ZC3H14: variants seen among roughly 807,000 people sequenced by gnomAD.
ZC3H14 encodes zinc finger CCCH domain-containing protein 14.
In ZC3H14, 31 loss-of-function variants were observed where a neutral mutation model predicts 92.4. The observed-to-expected ratio is 0.34, with a 90% CI of 0.25 to 0.45. ZC3H14 has a LOEUF of 0.45. ZC3H14 is among the 20% of genes least tolerant of loss of function. The probability of loss-of-function intolerance (pLI) is 1.00; values close to 1 mark genes in which losing one functional copy is unlikely to be tolerated. For missense variants in ZC3H14, 781 were observed against 897.3 expected (o/e 0.87, Z 1.66); for synonymous variants, 321 against 300.9 (o/e 1.07, Z -0.69).
chr14:88,626,827 AAG>A lies in ZC3H14; in HGVS notation c.*15080_*15081del. On this transcript the variant is annotated 3_prime_UTR_variant, in exon 17 of 17. Coordinates refer to ENST00000251038, the MANE Select transcript of ZC3H14 (RefSeq NM_024824.5). ...GTCAAAGTCACACTATGTGCATTTT[AAG>A]AGACATACTGCACCAAATGCAATAG... is the stretch of plus-strand genomic sequence containing the variant. 6.2e-7 allele frequency: 1 copy of A among 1,613,272 alleles called. No individual in the cohort carries two copies. The highest frequency in any genetic ancestry group is 1.1e-5 in the South Asian group (1 of 91,034).
At chr14:88,604,631 T>C (rs1213487483) in intron 12 of ZC3H14, among the ~76,000 whole-genome samples, 1 of 151,178 alleles carries the variant, frequency 6.6e-6, no homozygotes, top group African/African-American at 2.4e-5. Flanking sequence ...AGTCTCTCTG[T>C]CCCCCAGGCT....
At position 88,621,582 on chromosome 14, in the gene ZC3H14, G is replaced by C; in HGVS notation, c.*9831G>C. ...TCTTCAATAATCAAAGTTTTTATTT[G>C]ATAATCTTAGGATTTCCAAACTGGG... On this transcript the variant is annotated 3_prime_UTR_variant, in exon 17 of 17. Transcript: ENST00000251038. The C allele has an allele frequency of 2.3e-6, 1 of 444,096 alleles. No homozygotes were observed. Among genetic ancestry groups the C allele is most frequent in the Non-Finnish European group, 4.0e-6 (1 of 249,120 alleles). 27.5% of individuals were successfully genotyped at this position (444,096 alleles called of 1,614,324 possible).
chr14:88,622,449 G>A lies in ZC3H14; in HGVS notation c.*10698G>A. ...ATGCACCACACTGGTGCTAACTTTG[G>A]CAAAGAAAGCAGCAAAGACAGAGTA... On this transcript the variant is annotated 3_prime_UTR_variant, in exon 17 of 17. Transcript: ENST00000251038. 1.9e-6 allele frequency: 1 copy of A among 535,380 alleles called. No homozygotes were observed. Among genetic ancestry groups the A allele is most frequent in the Non-Finnish European group, 3.0e-6 (1 of 329,496 alleles). 33.2% of individuals were successfully genotyped at this position (535,380 alleles called of 1,614,324 possible).
chr14:88,615,918 T>TTA lies in ZC3H14; in HGVS notation c.*4167_*4168insTA. On this transcript the variant is annotated 3_prime_UTR_variant, in exon 17 of 17. Coordinates refer to ENST00000251038, the MANE Select transcript of ZC3H14 (RefSeq NM_024824.5). ...TTTTTAGATTTTCATAACAGTTTAA[T>TTA]ATTTTTCAGTTGTGCTTTCAGGTTA... is the stretch of plus-strand genomic sequence containing the variant. 1.3e-6 allele frequency: 2 copies of TTA among 1,542,726 alleles called. No homozygotes were observed. Among genetic ancestry groups the TTA allele is most frequent in the East Asian group, 2.3e-5 (1 of 43,194 alleles).
Position 88,622,534 on chromosome 14 carries a change from G to A in ZC3H14, c.*10783G>A, listed in dbSNP as rs1254603934. 18 of 1,226,362 alleles carry A rather than the reference G, an allele frequency of 1.5e-5. No individual in the cohort carries two copies. The highest frequency in any genetic ancestry group is 1.0e-4 in the East Asian group (4 of 38,978). The allele number at this position is 1,226,362 out of a possible 1,614,324, so 76.0% of individuals were successfully genotyped here. On this transcript the variant is annotated 3_prime_UTR_variant, in exon 17 of 17. Coordinates refer to ENST00000251038, the MANE Select transcript of ZC3H14 (RefSeq NM_024824.5). ...AAGTATTGTTCATTAGGCTGCAAAG[G>A]GTGAGGGAATCACAGTAATAACCAC... is the stretch of plus-strand genomic sequence containing the variant.
Position 88,602,940 on chromosome 14 carries a change from G to A in ZC3H14, c.1627G>A (p.Gly543Arg), listed in dbSNP as rs1218277909. 1 of 1,614,008 alleles carries A rather than the reference G, an allele frequency of 6.2e-7. No individual in the cohort carries two copies. The highest frequency in any genetic ancestry group is 1.3e-5 in the African/African-American group (1 of 74,898). Residue 543 changes from glycine (G) to arginine (R), a missense_variant, in exon 12 of 17, where the codon GGA becomes AGA. Around this residue, in one of 3 missense-constraint regions of ZC3H14, gnomAD observed 221 missense variants for 304.7 expected, o/e 0.73. Transcript: ENST00000251038. ...TCAAGAGGAGGACATGTGCTTTGAA[G>A]GAATGAAACCCGTAAACCAAACTGC... ...SDQEEDMCFE[G>R]MKPVNQTAAS...
rs745500638 is a variant in ZC3H14, at chr14:88,610,825, T to C, written c.2098-9T>C. The C allele has an allele frequency of 5.6e-6, 9 of 1,611,354 alleles. No homozygotes were observed. The Admixed American group carries it at 1.5e-4, about 27-fold the overall frequency. The stretch of plus-strand genomic sequence containing the variant: ...TGGATATTGTTGAAGCTCTGTTATC[T>C]CTATTCAGCATTGTAGGTTTAACAC... On this transcript the variant is annotated splice_polypyrimidine_tract_variant and intron_variant, in intron 15 of 16. Coordinates refer to ENST00000251038, the MANE Select transcript of ZC3H14 (RefSeq NM_024824.5).
chr14:88,570,995 T>C (rs965924434), intron 3 of ZC3H14, 89 bp from the exon 4 acceptor site: 2 of 1,047,712 alleles, frequency 1.9e-6, no homozygotes, highest in South Asian at 2.4e-5. Context: ...AAATTATCTC[T>C]GAATATAATG....
chr14:88,596,708 G>A (rs1223913643), intron 9 of ZC3H14, 26 bp from the exon 10 acceptor site: 2 of 1,602,240 alleles, frequency 1.2e-6, no homozygotes, highest in South Asian at 2.2e-5. Flanking sequence ...TGTAAGCTTA[G>A]TGAAGTTTTA....
Position 88,620,934 on chromosome 14 carries a change from T to TTA in ZC3H14, c.*9183_*9184insTA. The stretch of plus-strand genomic sequence containing the variant: ...CACTTTGTTTAACATCTTCTGCATT[T>TTA]AAAAAAAAAAAAAAAAAGAGTCATA... On this transcript the variant is annotated 3_prime_UTR_variant, in exon 17 of 17. Transcript: ENST00000251038. This position sits in a 1 kb window ranked among gnomAD's most constrained non-coding sequence, Gnocchi z 4.3. The TTA allele has an allele frequency of 7.3e-7, 1 of 1,372,042 alleles. No individual in the cohort carries two copies. Among genetic ancestry groups the TTA allele is most frequent in the South Asian group, 1.6e-5 (1 of 62,280 alleles). 85.0% of individuals were successfully genotyped at this position (1,372,042 alleles called of 1,614,324 possible). A position where few individuals can be genotyped will look rare whatever the true frequency, so the allele number is the denominator to read the frequency against.
In ZC3H14 at chr14:88,568,094, C is replaced by T. The variant is rs760426315; in HGVS notation, c.135C>T (p.Asp45=). The T allele has an allele frequency of 1.2e-6, 2 of 1,614,154 alleles. No individual in the cohort carries two copies. The highest frequency in any genetic ancestry group is 1.7e-6 in the Non-Finnish European group (2 of 1,180,014). The change falls in exon 3 of 17, where the codon GAC becomes GAT. Residue 45 remains aspartate, a synonymous_variant. Coordinates refer to ENST00000251038, the MANE Select transcript of ZC3H14 (RefSeq NM_024824.5). ...MVMVANKKSQ[D]QMTEDLSLFL... ...TGGTGGCCAACAAGAAAAGTCAGGACCAAATGACAGAGGATCTGTCCCTGT... is the reference window on the plus strand; with the variant it reads ...TGGTGGCCAACAAGAAAAGTCAGGATCAAATGACAGAGGATCTGTCCCTGT...
intron 5 of ZC3H14, 45 bp from the exon 6 acceptor site, chr14:88,572,533 T>C: frequency 1.9e-6 from 3 of 1,605,980 alleles, no homozygotes; most frequent in Non-Finnish European, 8.5e-7. Flanking sequence ...TTGGTGATAA[T>C]TGCCCTAATT....
Position 88,563,681 on chromosome 14 carries a change from G to A in ZC3H14, c.67G>A (p.Gly23Arg). The change falls in exon 2 of 17, where the codon GGA (glycine) becomes AGA (arginine). Residue 23 changes from glycine (G) to arginine (R), a missense_variant. Gly to Arg is a moderately radical substitution (Grantham distance 125, BLOSUM62 -2). Around this residue, in one of 3 missense-constraint regions of ZC3H14, gnomAD observed 106 missense variants for 154.2 expected, o/e 0.69. Coordinates refer to ENST00000251038, the MANE Select transcript of ZC3H14 (RefSeq NM_024824.5). Reference protein sequence around the residue: ...SAIKGKLQELGAYVDEELPDY... With the variant: ...SAIKGKLQELRAYVDEELPDY... ...CATTAAGGGGAAATTACAAGAATTA[G>A]GAGCTTATGTTGGTAAGTGTTTTTT... is the stretch of plus-strand genomic sequence containing the variant. 1 of 1,614,178 alleles carries A rather than the reference G, an allele frequency of 6.2e-7. No individual in the cohort carries two copies. Among genetic ancestry groups the A allele is most frequent in the Non-Finnish European group, 8.5e-7 (1 of 1,179,990 alleles).
At chr14:88,593,462 T>C (rs972878117) in intron 9 of ZC3H14, among the ~76,000 whole-genome samples, 1 of 152,220 alleles carries the variant, frequency 6.6e-6, no homozygotes, top group African/African-American at 2.4e-5. Flanking sequence ...GTTATGTTGC[T>C]TGATTTCAAA....
intron 8 of ZC3H14, 36 bp downstream of exon 8, chr14:88,575,976 C>A: frequency 1.3e-6 from 2 of 1,518,546 alleles, no homozygotes; most frequent in Non-Finnish European, 1.8e-6. Flanking sequence ...CTTGGTAAGA[C>A]ATTTCTGTAA....
intron 8 of ZC3H14, 23 bp downstream of exon 8, chr14:88,575,963 A>G: frequency 1.9e-6 from 3 of 1,553,822 alleles, no homozygotes; most frequent in East Asian, 2.2e-5. Context: ...TATTATGTTT[A>G]CACTTGGTAA....
intron 12 of ZC3H14, among the ~76,000 whole-genome samples, chr14:88,604,360 G>A (rs1241172295): frequency 6.6e-6 from 1 of 152,124 alleles, no homozygotes; most frequent in African/African-American, 2.4e-5. Flanking sequence ...GCTCAAGGAT[G>A]AAGCTTTGTA....
intron 12 of ZC3H14, among the ~76,000 whole-genome samples, chr14:88,606,418 A>G (rs1308994940): frequency 6.6e-6 from 1 of 152,200 alleles, no homozygotes; most frequent in Non-Finnish European, 1.5e-5. Context: ...GGAACTGCCC[A>G]GTCTCTGTAA....
At chr14:88,598,576 A>G (rs542412904) in intron 10 of ZC3H14, among the ~76,000 whole-genome samples, 3 of 152,196 alleles carry the variant, frequency 2.0e-5, no homozygotes, top group Non-Finnish European at 4.4e-5. Flanking sequence ...CCAAGGGAGA[A>G]TGCATGCAGT....
Sources: gnomAD v4.1 joint callset for allele counts (sites outside exome capture counted in the v4.1 genomes callset) on GRCh38, gnomAD v4.1.1 for gene constraint, gnomAD v4.1.1 regional missense constraint, Gnocchi (gnomAD v3.1) non-coding constraint, MANE v1.5 for transcripts, NCBI Gene and HGNC (gene_info 2026-07-23, HGNC 2026-07-21) for gene names.